Variants in CFAP20DC observed in about 807,000 individuals in gnomAD.
CFAP20DC encodes protein CFAP20DC.
Under a neutral mutation model 101.7 loss-of-function variants are expected in CFAP20DC, and 84 were observed. The ratio of observed to expected loss-of-function variants is 0.83; its 90% CI spans 0.69 to 0.99. CFAP20DC has a LOEUF of 0.99. CFAP20DC is among the 50% of genes least tolerant of loss of function. The probability of loss-of-function intolerance (pLI) is 0.00; values close to 1 mark genes in which losing one functional copy is unlikely to be tolerated. For missense variants in CFAP20DC, 1,007 were observed against 970.3 expected (o/e 1.04, Z -0.50); for synonymous variants, 359 against 351.2 (o/e 1.02, Z -0.25).
chr3:58,965,493 G>A (rs2091459303), intron 4 of CFAP20DC, among the ~76,000 whole-genome samples: 1 of 152,014 alleles, frequency 6.6e-6, no homozygotes, highest in South Asian at 2.1e-4. Context: ...TTAGGTTCTG[G>A]AGACAAGGGT....
At chr3:59,035,736 G>C (rs528714563) in intron 4 of CFAP20DC, among the ~76,000 whole-genome samples, 24 of 152,226 alleles carry the variant, frequency 1.6e-4, no homozygotes, top group African/African-American at 4.8e-4. Context: ...CCCAGAACCA[G>C]ACAGATTCAC....
At chr3:58,936,781 A>C (rs1164165038) in intron 5 of CFAP20DC, among the ~76,000 whole-genome samples, 1 of 152,064 alleles carries the variant, frequency 6.6e-6, no homozygotes, top group South Asian at 2.1e-4. Flanking sequence ...TTGTGGGGTT[A>C]GGGGACGGGG....
intron 4 of CFAP20DC, among the ~76,000 whole-genome samples, chr3:58,981,261 C>T (rs1350713000): frequency 2.1e-4 from 32 of 152,010 alleles, no homozygotes; most frequent in South Asian, 4.2e-4. Flanking sequence ...GAATCAATAT[C>T]GTGAAAATGG....
intron 4 of CFAP20DC, among the ~76,000 whole-genome samples, chr3:58,960,215 G>A (rs1038822989): frequency 5.3e-5 from 8 of 152,008 alleles, no homozygotes; most frequent in Non-Finnish European, 7.4e-5. Context: ...TTCCTAGGCC[G>A]GGCGTGGTGG....
Position 58,838,619 on chromosome 3 carries a change from T to C in CFAP20DC, c.1972-6730A>G, listed in dbSNP as rs373527636. Reference sequence around the variant, plus strand: ...GTAAAAAAAGATCTTTATATTGATGTGCTATATTTATATAGAATAACTTTT... The same window carrying C: ...GTAAAAAAAGATCTTTATATTGATGCGCTATATTTATATAGAATAACTTTT... On this transcript the variant is annotated intron_variant, in intron 13 of 16. Transcript: ENST00000482387. Among the ~76,000 whole-genome samples, 3 of 152,338 alleles carry C rather than the reference T, an allele frequency of 2.0e-5. No homozygotes were observed. The East Asian group carries it at 5.8e-4, about 29-fold the overall frequency.
chr3:58,762,364 G>A (rs114822411), intron 15 of CFAP20DC, among the ~76,000 whole-genome samples: 3,846 of 152,140 alleles, frequency 0.025, 162 homozygotes, highest in African/African-American at 0.086. Context: ...TGCAACCCCC[G>A]CATTTTTTTG....
At chr3:58,926,104 A>T (rs1272132273) in intron 5 of CFAP20DC, among the ~76,000 whole-genome samples, 1 of 152,072 alleles carries the variant, frequency 6.6e-6, no homozygotes, top group African/African-American at 2.4e-5. Context: ...AGTGGCTCAT[A>T]CCTGTAATCC....
chr3:58,894,070 C>A lies in CFAP20DC; in HGVS notation c.551-9361G>T, dbSNP rs2082474444. Among the ~76,000 whole-genome samples the A allele has an allele frequency of 6.6e-6, 1 of 152,128 alleles. No homozygotes were observed. Among genetic ancestry groups the A allele is most frequent in the South Asian group, 2.1e-4 (1 of 4,828 alleles). On this transcript the variant is annotated intron_variant, in intron 6 of 16. Transcript: ENST00000482387. The surrounding 1 kb of genome is among the most constrained non-coding windows in gnomAD (Gnocchi z 4.1). Reference sequence around the variant, plus strand: ...GAACAGCATGGGAAGTACCTGCCCCCATGATGCAATTACCTCCTACTGAGT... The same window carrying A: ...GAACAGCATGGGAAGTACCTGCCCCAATGATGCAATTACCTCCTACTGAGT...
In CFAP20DC at chr3:58,755,638, T is replaced by C. The variant is rs543331971; in HGVS notation, c.2238-1775A>G. Among the ~76,000 whole-genome samples, 11 of 152,308 alleles carry C rather than the reference T, an allele frequency of 7.2e-5. No homozygotes were observed. The South Asian group carries it at 2.3e-3, about 32-fold the overall frequency. On this transcript the variant is annotated intron_variant, in intron 15 of 16. Transcript: ENST00000482387. ...CAATAATTTGATCAATGTTTTTCCT[T>C]TTCAGCACTAGCTATGAAAAATACA... is the stretch of plus-strand genomic sequence containing the variant.
intron 13 of CFAP20DC, among the ~76,000 whole-genome samples, chr3:58,846,435 T>C (rs2077648966): frequency 6.6e-6 from 1 of 151,822 alleles, no homozygotes; most frequent in African/African-American, 2.4e-5. Flanking sequence ...GAGAAGAAAA[T>C]ACCTAGGAAT....
At chr3:58,941,445 T>C (rs1397509155) in intron 4 of CFAP20DC, among the ~76,000 whole-genome samples, 1 of 152,140 alleles carries the variant, frequency 6.6e-6, no homozygotes, top group African/African-American at 2.4e-5. Flanking sequence ...GACCTTTGCT[T>C]AATTCACTCT....
At chr3:58,973,303 T>A (rs574546025) in intron 4 of CFAP20DC, among the ~76,000 whole-genome samples, 6 of 152,228 alleles carry the variant, frequency 3.9e-5, no homozygotes, top group Non-Finnish European at 8.8e-5. Context: ...CACCTCCCAA[T>A]GGCTCAAATC....
At chr3:58,890,340 G>A (rs1207179237) in intron 6 of CFAP20DC, among the ~76,000 whole-genome samples, 51 of 142,730 alleles carry the variant, frequency 3.6e-4, no homozygotes, top group Non-Finnish European at 6.5e-4. Context: ...CGGACGGGGC[G>A]GCTGGCCGGG....
At chr3:58,901,328 T>G (rs989940526) in intron 6 of CFAP20DC, among the ~76,000 whole-genome samples, 1 of 152,198 alleles carries the variant, frequency 6.6e-6, no homozygotes, top group Non-Finnish European at 1.5e-5. Context: ...TATATTATAG[T>G]GGTTAAGAGC....
At chr3:58,969,518 T>C (rs578174334) in intron 4 of CFAP20DC, among the ~76,000 whole-genome samples, 18 of 152,300 alleles carry the variant, frequency 1.2e-4, no homozygotes, top group African/African-American at 4.3e-4. Context: ...AACTGGTATA[T>C]GAATTGTTCA....
intron 15 of CFAP20DC, among the ~76,000 whole-genome samples, chr3:58,772,960 G>A (rs1236389223): frequency 6.6e-6 from 1 of 151,922 alleles, no homozygotes; most frequent in Non-Finnish European, 1.5e-5. Context: ...GGCATGGGAG[G>A]AGTAAGACTT....
At chr3:58,862,583 C>G in intron 12 of CFAP20DC, 1 of 985,434 alleles carries the variant, frequency 1.0e-6, no homozygotes, top group Non-Finnish European at 1.2e-6. Flanking sequence ...ACTGCTTAAA[C>G]AATCCCACTA....
chr3:58,724,515 C>G lies in CFAP20DC; in HGVS notation c.198-6887G>C, dbSNP rs956863683. On this transcript the variant is annotated intron_variant, in intron 3 of 3. Coordinates refer to the CFAP20DC transcript ENST00000486145. This position sits in a 1 kb window ranked among gnomAD's most constrained non-coding sequence, Gnocchi z 5.6. ...GTGTGGGCTCCTATTTAAGCCCGCT[C>G]CCACTAGCTACTCTCCGATAAGTTA... 6.6e-6 allele frequency among the ~76,000 whole-genome samples: 1 copy of G among 152,142 alleles called. No individual in the cohort carries two copies. The highest frequency in any genetic ancestry group is 2.4e-5 in the African/African-American group (1 of 41,422).
chr3:58,866,421 G>T, intron 11 of CFAP20DC, 145 bp downstream of exon 11: 1 of 587,210 alleles, frequency 1.7e-6, no homozygotes, highest in East Asian at 3.1e-5. Context: ...ACATAAAATT[G>T]AGGTTAAATA....
Sources: gnomAD v4.1 joint callset for allele counts (sites outside exome capture counted in the v4.1 genomes callset) on GRCh38, gnomAD v4.1.1 for gene constraint, Gnocchi (gnomAD v3.1) non-coding constraint, MANE v1.5 for transcripts, NCBI Gene and HGNC (gene_info 2026-07-23, HGNC 2026-07-21) for gene names.